Variants in CHM observed in about 807,000 individuals in gnomAD.
CHM encodes the protein CHM Rab escort protein, also known as rab proteins geranylgeranyltransferase component A 1.
CHM carries 10 observed loss-of-function variants against 49.0 expected under a neutral mutation model. That is an observed-to-expected ratio of 0.20 (90% CI 0.13 to 0.35). The LOEUF (loss-of-function observed/expected upper bound fraction) is 0.35, where lower values mean the gene tolerates loss of function less well. Among genes scored for constraint, CHM ranks in the 10% least tolerant of loss-of-function variants. The probability of loss-of-function intolerance (pLI) is 1.00; values close to 1 mark genes in which losing one functional copy is unlikely to be tolerated. For synonymous variants in CHM, 184 were observed against 167.5 expected, an observed-to-expected ratio of 1.10 and a Z score of -0.76; for missense variants, 455 against 478.4, an observed-to-expected ratio of 0.95 and a Z score of 0.46.
chrX:85,959,043 A>T, intron 5 of CHM, 66 bp from the exon 6 acceptor site: 1 of 1,147,139 alleles, frequency 8.7e-7, no homozygotes, highest in Non-Finnish European at 1.2e-6. Flanking sequence ...AACAATAAAG[A>T]TACATAATTT....
chrX:86,044,627 G>A (rs775702895), intron 1 of CHM, among the ~76,000 whole-genome samples: 1 of 111,589 alleles, frequency 9.0e-6, no homozygotes, highest in Non-Finnish European at 1.9e-5. Flanking sequence ...TTACTGGGAC[G>A]ACTTTTAACG....
intron 8 of CHM, among the ~76,000 whole-genome samples, chrX:85,944,210 C>T (rs1274540737): frequency 9.0e-6 from 1 of 111,706 alleles, no homozygotes; most frequent in Non-Finnish European, 1.9e-5. Flanking sequence ...TCTGAAAACT[C>T]TCTGTAGAAA....
chrX:85,923,387 G>A (rs1214374552), intron 8 of CHM, among the ~76,000 whole-genome samples: 2 of 112,052 alleles, frequency 1.8e-5, no homozygotes, highest in Non-Finnish European at 3.8e-5. Context: ...GGGTTTGTAG[G>A]CTACATTGCT....
At chrX:85,966,736 ATAAT>A (rs982340563) in intron 4 of CHM, among the ~76,000 whole-genome samples, 35 of 111,957 alleles carry the variant, frequency 3.1e-4, no homozygotes, top group African/African-American at 1.0e-3. Context: ...TTAAGAAAGG[ATAAT>A]TAATTACACT....
chrX:85,930,723 C>T (rs758124691), intron 8 of CHM, among the ~76,000 whole-genome samples: 7 of 111,686 alleles, frequency 6.3e-5, no homozygotes, highest in Non-Finnish European at 9.4e-5. Context: ...GACAGAGAGA[C>T]GCTTTCCCAT....
chrX:85,978,730 ATTAAT>A (rs748813219), intron 4 of CHM, 32 bp downstream of exon 4: 122 of 1,167,993 alleles, frequency 1.0e-4, no homozygotes, highest in Non-Finnish European at 1.4e-4. Context: ...TGAAAAAGTC[ATTAAT>A]TTAGTTTACC....
chrX:85,897,186 C>A (rs1280843998), intron 11 of CHM, among the ~76,000 whole-genome samples: 2 of 93,665 alleles, frequency 2.1e-5, no homozygotes, highest in Admixed American at 1.3e-4. Context: ...TATATATATA[C>A]TATATATTAT....
chrX:86,027,207 G>A (rs2147790658), intron 2 of CHM: 4 of 314,067 alleles, frequency 1.3e-5, no homozygotes, highest in East Asian at 1.3e-4. Flanking sequence ...AAGCCTCTTG[G>A]AGAATTACTT....
intron 8 of CHM, among the ~76,000 whole-genome samples, chrX:85,938,476 G>A (rs1307141093): frequency 3.7e-5 from 4 of 109,005 alleles, no homozygotes; most frequent in East Asian, 5.7e-4. Flanking sequence ...TCAATCTACT[G>A]CACACTACTC....
intron 2 of CHM, among the ~76,000 whole-genome samples, chrX:86,019,122 G>T (rs1052569944): frequency 1.8e-5 from 2 of 111,716 alleles, no homozygotes; most frequent in African/African-American, 6.5e-5. Flanking sequence ...AGGCACACTT[G>T]AACTTTTTTA....
chrX:85,993,420 T>G (rs961129009), intron 2 of CHM, among the ~76,000 whole-genome samples: 6 of 111,592 alleles, frequency 5.4e-5, no homozygotes, highest in African/African-American at 2.0e-4. Context: ...TCCCTACCAC[T>G]GCTGCATTAT....
At chrX:85,872,489 T>C (rs775315430) in intron 14 of CHM, among the ~76,000 whole-genome samples, 28 of 111,649 alleles carry the variant, frequency 2.5e-4, no homozygotes, top group Non-Finnish European at 4.1e-4. Flanking sequence ...TACTTTACAA[T>C]AGACCTCAGC....
chrX:85,956,516 TG>T (rs746940207), intron 7 of CHM, 138 bp from the exon 8 acceptor site: 258 of 846,599 alleles, frequency 3.0e-4, no homozygotes, highest in Non-Finnish European at 3.9e-4. Context: ...CACTGATGGT[TG>T]ATCTTAGGAA....
intron 14 of CHM, among the ~76,000 whole-genome samples, chrX:85,870,507 A>T: frequency 8.9e-6 from 1 of 111,941 alleles, no homozygotes; most frequent in Non-Finnish European, 1.9e-5. Flanking sequence ...AGCCAATTTA[A>T]CTCATTTTAT....
At chrX:85,979,937 A>G (rs1354291215) in intron 3 of CHM, among the ~76,000 whole-genome samples, 1 of 111,466 alleles carries the variant, frequency 9.0e-6, no homozygotes, top group Non-Finnish European at 1.9e-5. Context: ...AAGGTGAAAT[A>G]CAAGATTTTT....
At chrX:85,887,403 C>T (rs750313518) in intron 12 of CHM, among the ~76,000 whole-genome samples, 5 of 111,777 alleles carry the variant, frequency 4.5e-5, no homozygotes, top group African/African-American at 1.3e-4. Flanking sequence ...GACTGTGAGG[C>T]TTCCCCAGCC....
intron 1 of CHM, among the ~76,000 whole-genome samples, chrX:86,040,924 A>C (rs1173012843): frequency 8.9e-6 from 1 of 112,392 alleles, no homozygotes; most frequent in Non-Finnish European, 1.9e-5. Flanking sequence ...AGCCTATTTT[A>C]CTTTTAAATA....
intron 1 of CHM, among the ~76,000 whole-genome samples, chrX:86,027,952 A>G (rs1301940536): frequency 3.6e-5 from 4 of 111,425 alleles, no homozygotes; most frequent in African/African-American, 1.3e-4. Context: ...TAGTAGAGAC[A>G]GGGTTTCACC....
chrX:86,008,679 C>T (rs1932932267), intron 2 of CHM, among the ~76,000 whole-genome samples: 1 of 111,368 alleles, frequency 9.0e-6, no homozygotes. Context: ...AGTGGAGGGT[C>T]AGCAAACATT....
Sources: gnomAD v4.1 joint callset for allele counts (sites outside exome capture counted in the v4.1 genomes callset) on GRCh38, gnomAD v4.1.1 for gene constraint, MANE v1.5 for transcripts, NCBI Gene and HGNC (gene_info 2026-07-23, HGNC 2026-07-21) for gene names.